The following DZIP1L variants were observed in gnomAD, a reference collection of about 807,000 sequenced individuals.
DZIP1L encodes cilium assembly protein DZIP1L.
Under a neutral mutation model 88.7 loss-of-function variants are expected in DZIP1L, and 90 were observed. That is an observed-to-expected ratio of 1.02 (90% CI 0.86 to 1.21). The LOEUF is 1.21. DZIP1L is among the 50% of genes most tolerant of loss of function. The pLI is 0.00. For synonymous variants in DZIP1L, 363 were observed against 372.1 expected, an observed-to-expected ratio of 0.98 and a Z score of 0.28; for missense variants, 932 against 955.8, an observed-to-expected ratio of 0.98 and a Z score of 0.33.
intron 11 of DZIP1L, among the ~76,000 whole-genome samples, chr3:138,073,520 C>T (rs1291668465): frequency 6.6e-6 from 1 of 152,152 alleles, no homozygotes; most frequent in African/African-American, 2.4e-5. Context: ...AGGGGGAGAG[C>T]ACTACATCAA....
chr3:138,070,795 G>A (rs1023962296), intron 12 of DZIP1L, among the ~76,000 whole-genome samples: 1 of 152,170 alleles, frequency 6.6e-6, no homozygotes, highest in Non-Finnish European at 1.5e-5. Context: ...CCTGACTGAG[G>A]AGACGAAGTA....
intron 3 of DZIP1L, among the ~76,000 whole-genome samples, chr3:138,097,350 G>A (rs760415582): frequency 3.9e-5 from 6 of 152,158 alleles, no homozygotes; most frequent in African/African-American, 7.2e-5. Flanking sequence ...TGGTCTGACT[G>A]CCCATTCACC....
intron 5 of DZIP1L, chr3:138,088,888 C>G: frequency 1.0e-6 from 1 of 987,942 alleles, no homozygotes; most frequent in Non-Finnish European, 1.2e-6. Flanking sequence ...CCAGGCCACT[C>G]CCTGAGGACT....
chr3:138,097,742 C>G (rs774383462), intron 3 of DZIP1L, 21 bp downstream of exon 3: 1 of 1,598,390 alleles, frequency 6.3e-7, no homozygotes, highest in South Asian at 1.1e-5. Flanking sequence ...AGAAGGGGCC[C>G]GGGCTGCTGT....
chr3:138,067,791 TTGCTCAGGGCCAGCCC>T, intron 13 of DZIP1L, 91 bp from the exon 14 acceptor site: 1 of 1,418,070 alleles, frequency 7.1e-7, no homozygotes, highest in Non-Finnish European at 9.3e-7. Flanking sequence ...CTGGTTTGGT[TTGCTCAGGGCCAGCCC>T]TGCTCCCTCC....
chr3:138,102,614 A>G (rs775403349), intron 2 of DZIP1L: 3 of 1,469,480 alleles, frequency 2.0e-6, no homozygotes, highest in Non-Finnish European at 2.9e-6. Flanking sequence ...AAGGAGGCAA[A>G]CTTGTTGTTG....
In DZIP1L at chr3:138,080,759, G is replaced by C. The variant is rs1030429180; in HGVS notation, c.1235-139C>G. ...AGTGCATCTTGACTGGAGAGAGGCA[G>C]GACAGAGCAGACACTGGCGGCAGAA... is the stretch of plus-strand genomic sequence containing the variant. On this transcript the variant is annotated intron_variant, in intron 9 of 15. Transcript: ENST00000327532. 16 of 738,830 alleles carry C rather than the reference G, an allele frequency of 2.2e-5. No homozygotes were observed. In the East Asian group the frequency reaches 4.2e-4, roughly 19 times the overall value. The allele number at this position is 738,830 out of a possible 1,614,324, so 45.8% of individuals were successfully genotyped here.
chr3:138,085,602 AAAC>A (rs1191450426), intron 7 of DZIP1L, among the ~76,000 whole-genome samples: 1 of 152,194 alleles, frequency 6.6e-6, no homozygotes, highest in African/African-American at 2.4e-5. Flanking sequence ...AAAAGTCAGG[AAAC>A]AACAGGTGCT....
chr3:138,101,514 C>T, intron 2 of DZIP1L: 1 of 793,034 alleles, frequency 1.3e-6, no homozygotes, highest in East Asian at 2.4e-5. Context: ...CGGACACCAG[C>T]TTCCCATCGC....
intron 2 of DZIP1L, chr3:138,101,743 C>T: frequency 1.1e-6 from 1 of 938,380 alleles, no homozygotes. Flanking sequence ...GCTTTCCTTG[C>T]CCTCCAGCAG....
Position 138,103,784 on chromosome 3 carries a change from G to A in DZIP1L, c.188C>T (p.Thr63Ile). Residue 63 changes from threonine (T) to isoleucine (I), a missense_variant, in exon 2 of 16, where the codon ACC becomes ATC. Thr to Ile is a moderately conservative substitution (Grantham distance 89). Coordinates refer to ENST00000327532, the MANE Select transcript of DZIP1L (RefSeq NM_173543.3). ...CACCTCCCGGTCCAAGTTGCAGAAGGTGATGCCAGCAATATTCTCCTGCAG... is the reference window on the plus strand; with the variant it reads ...CACCTCCCGGTCCAAGTTGCAGAAGATGATGCCAGCAATATTCTCCTGCAG... ...ATLQENIAGI[T>I]FCNLDREVCS... 2.5e-6 allele frequency: 4 copies of A among 1,614,142 alleles called. No individual in the cohort carries two copies. Among genetic ancestry groups the A allele is most frequent in the South Asian group, 1.1e-5 (1 of 91,092 alleles).
At position 138,081,757 on chromosome 3, in the gene DZIP1L, G is replaced by T; in HGVS notation, c.1211C>A (p.Ser404Tyr). 6.2e-7 allele frequency: 1 copy of T among 1,613,384 alleles called. No homozygotes were observed. The highest frequency in any genetic ancestry group is 1.1e-5 in the South Asian group (1 of 90,942). ...ACCTTCCACCTTCCTGAGAGACAAG[G>T]ACTGGATCTGCAAAGAGGTGGAATA... The part of the protein sequence containing the change: ...IIASQEEMIQ[S>Y]LSLRKVEGIH... The change falls in exon 9 of 16, where the codon TCC (serine) becomes TAC (tyrosine). Residue 404 changes from serine to tyrosine, a missense_variant. Transcript: ENST00000327532.
Position 138,103,873 on chromosome 3 carries a change from C to T in DZIP1L, c.99G>A (p.Met33Ile), listed in dbSNP as rs371320965. 2.5e-6 allele frequency: 4 copies of T among 1,613,914 alleles called. No homozygotes were observed. The highest frequency in any genetic ancestry group is 3.4e-6 in the Non-Finnish European group (4 of 1,180,044). ...TFKFQPRHDS[M>I]DWRRISTLDV... ...CCAGGGTGCTAATGCGTCTCCAGTCCATGCTATCATGGCGAGGCTGAAACT... is the reference window on the plus strand; with the variant it reads ...CCAGGGTGCTAATGCGTCTCCAGTCTATGCTATCATGGCGAGGCTGAAACT... Residue 33 changes from methionine (M) to isoleucine (I), a missense_variant, in exon 2 of 16, where the codon ATG becomes ATA. Met to Ile is a conservative substitution (Grantham distance 10). Coordinates refer to ENST00000327532, the MANE Select transcript of DZIP1L (RefSeq NM_173543.3).
At chr3:138,106,543 G>A (rs943077730) in intron 1 of DZIP1L, among the ~76,000 whole-genome samples, 9 of 151,802 alleles carry the variant, frequency 5.9e-5, no homozygotes, top group Admixed American at 4.6e-4. Flanking sequence ...TTAAAAAATC[G>A]TAGGACTAGG....
rs200887137 is a variant in DZIP1L, at chr3:138,092,470, G to C, written c.783C>G (p.Thr261=). The change falls in exon 5 of 16, where the codon ACC becomes ACG. Residue 261 remains threonine, a synonymous_variant. Coordinates refer to ENST00000327532, the MANE Select transcript of DZIP1L (RefSeq NM_173543.3). The part of the protein sequence containing the change: ...EFDKWKEQEW[T]KLYGEIDKLK... ...GTTTATCTATTTCCCCATAAAGTTT[G>C]GTCCACTCTTGCTCTTTCCATTTAT... is the stretch of plus-strand genomic sequence containing the variant. 8 of 1,605,560 alleles carry C rather than the reference G, an allele frequency of 5.0e-6. No individual in the cohort carries two copies. In the East Asian group the frequency reaches 1.8e-4, roughly 36 times the overall value.
chr3:138,075,864 C>T (rs1943380861), intron 11 of DZIP1L, among the ~76,000 whole-genome samples: 1 of 152,086 alleles, frequency 6.6e-6, no homozygotes, highest in African/African-American at 2.4e-5. Context: ...GAAGCTAAGG[C>T]AGGAAAATCC....
intron 1 of DZIP1L, among the ~76,000 whole-genome samples, chr3:138,114,273 G>C (rs2042658859): frequency 6.6e-6 from 1 of 152,156 alleles, no homozygotes; most frequent in Admixed American, 6.5e-5. Context: ...AAAAACCTTT[G>C]ACCAAATATC....
At chr3:138,067,414 T>C (rs1942957781) in intron 14 of DZIP1L, 117 bp downstream of exon 14, 1 of 1,184,512 alleles carries the variant, frequency 8.4e-7, no homozygotes, top group African/African-American at 1.6e-5. Flanking sequence ...GAGAAAGAGA[T>C]GTCAAATAAG....
intron 5 of DZIP1L, among the ~76,000 whole-genome samples, chr3:138,092,164 T>TTAAC (rs58110120): frequency 0.99 from 151,059 of 152,316 alleles, 74,919 homozygotes; most frequent in Middle Eastern, 1. Context: ...CATGAGGAGG[T>TTAAC]TAACTCATTC....
Sources: gnomAD v4.1 joint callset for allele counts (sites outside exome capture counted in the v4.1 genomes callset) on GRCh38, gnomAD v4.1.1 for gene constraint, MANE v1.5 for transcripts, NCBI Gene and HGNC (gene_info 2026-07-23, HGNC 2026-07-21) for gene names.